Variants in NF1 observed in about 807,000 individuals in gnomAD.
NF1 encodes neurofibromin.
In NF1, 122 loss-of-function variants were observed where a neutral mutation model predicts 325.7. The observed-to-expected ratio is 0.37, with a 90% CI of 0.32 to 0.44. The LOEUF (loss-of-function observed/expected upper bound fraction) is 0.44, where lower values mean the gene tolerates loss of function less well. Ranked by LOEUF, NF1 falls within the 20% of genes least tolerant of loss-of-function variation. NF1 has a pLI of 1.00. For synonymous variants in NF1, 1,091 were observed against 1,186.0 expected, an observed-to-expected ratio of 0.92 and a Z score of 1.65; for missense variants, 2,140 against 3,415.4, an observed-to-expected ratio of 0.63 and a Z score of 9.31.
intron 1 of NF1, among the ~76,000 whole-genome samples, chr17:31,116,289 G>A (rs1913901387): frequency 6.6e-6 from 1 of 152,112 alleles, no homozygotes; most frequent in Non-Finnish European, 1.5e-5. Flanking sequence ...TAGGGAAAAT[G>A]CCTGAATATT....
At chr17:31,245,689 G>A (rs2151447737) in intron 29 of NF1, among the ~76,000 whole-genome samples, 1 of 152,316 alleles carries the variant, frequency 6.6e-6, no homozygotes. Context: ...GAAGGGGCTT[G>A]CAGCTTCCAT....
chr17:31,351,864 T>G (rs1010382120), intron 50 of NF1, among the ~76,000 whole-genome samples: 7 of 152,026 alleles, frequency 4.6e-5, no homozygotes, highest in African/African-American at 7.2e-5. Context: ...TTTGGGGTTT[T>G]TTTTTTTTTT....
At chr17:31,347,248 CAG>C (rs1236903625) in intron 48 of NF1, among the ~76,000 whole-genome samples, 4 of 150,526 alleles carry the variant, frequency 2.7e-5, no homozygotes, top group African/African-American at 9.8e-5. Flanking sequence ...TTGATGCTGA[CAG>C]TGTTTCACTC....
Position 31,352,464 on chromosome 17 carries a change from A to G in NF1, c.7615+50A>G, listed in dbSNP as rs1400882988. 9 of 1,436,414 alleles carry G rather than the reference A, an allele frequency of 6.3e-6. No homozygotes were observed. In the African/African-American group the frequency reaches 1.2e-4, roughly 18 times the overall value. The allele number at this position is 1,436,414 out of a possible 1,614,324, so 89.0% of individuals were successfully genotyped here. ...TTTTTTTTATTATTTAAAAAAATAG[A>G]TATTTTTACTCTTGGAAAATTATTT... On this transcript the variant is annotated intron_variant, in intron 51 of 57. Coordinates refer to ENST00000358273, the MANE Select transcript of NF1 (RefSeq NM_001042492.3).
Position 31,242,305 on chromosome 17 carries a change from C to CTTTTTTT in NF1, c.3974+6305_3974+6311dup, listed in dbSNP as rs200376987. Among the ~76,000 whole-genome samples, 74 of 68,860 alleles carry CTTTTTTT rather than the reference C, an allele frequency of 1.1e-3. 10 individuals are homozygous for CTTTTTTT. Among genetic ancestry groups the CTTTTTTT allele is most frequent in the African/African-American group, 2.2e-3 (36 of 16,006 alleles). The allele number at this position is 68,860 out of a possible 152,430, so 45.2% of individuals were successfully genotyped here. ...TCTTTCCCTAGGTTTCATAAGTTCT[C>CTTTTTTT]TTTTTTTTTTTTTTTTTTTTTTTTT... On this transcript the variant is annotated intron_variant, in intron 29 of 57. Transcript: ENST00000358273.
At chr17:31,330,151 T>C in intron 38 of NF1, 145 bp from the exon 39 acceptor site, 4 of 735,524 alleles carry the variant, frequency 5.4e-6, no homozygotes, top group Admixed American at 2.4e-5. Flanking sequence ...TGTAGAATTA[T>C]AACATCTTAT....
intron 36 of NF1, among the ~76,000 whole-genome samples, chr17:31,322,468 C>T (rs2069229077): frequency 7.5e-6 from 1 of 133,010 alleles, no homozygotes; most frequent in South Asian, 2.3e-4. Context: ...TGCCACTGCA[C>T]TCCAGCCAGG....
intron 3 of NF1, 36 bp from the exon 4 acceptor site, chr17:31,163,150 T>G (rs1254998334): frequency 6.2e-7 from 1 of 1,606,320 alleles, no homozygotes; most frequent in Non-Finnish European, 8.5e-7. Flanking sequence ...ACAGGTAAAA[T>G]TAAAGTTTAG....
intron 1 of NF1, among the ~76,000 whole-genome samples, chr17:31,121,710 A>G (rs1224569000): frequency 2.6e-5 from 4 of 152,066 alleles, no homozygotes; most frequent in Admixed American, 1.3e-4. Context: ...GGTTCTGTTT[A>G]TGTGATGGAT....
chr17:31,197,675 T>C lies in NF1; in HGVS notation c.889-2747T>C, dbSNP rs1823500739. Among the ~76,000 whole-genome samples the C allele has an allele frequency of 1.3e-5, 2 of 152,204 alleles. 1 individual carries two copies. Among genetic ancestry groups the C allele is most frequent in the South Asian group, 4.1e-4 (2 of 4,834 alleles). The stretch of plus-strand genomic sequence containing the variant: ...TTTGTATTCTGTGACTTTGAATTTA[T>C]TAGCTCTAACAGCTTGTTTTTGGTG... On this transcript the variant is annotated intron_variant, in intron 8 of 57. Coordinates refer to ENST00000358273, the MANE Select transcript of NF1 (RefSeq NM_001042492.3).
intron 57 of NF1, among the ~76,000 whole-genome samples, chr17:31,373,463 T>C (rs2070683241): frequency 6.6e-6 from 1 of 152,254 alleles, no homozygotes. Context: ...AACTTGTCTT[T>C]TCATTTTTCT....
intron 1 of NF1, among the ~76,000 whole-genome samples, chr17:31,127,593 CT>C (rs199556341): frequency 0.02 from 2,745 of 139,794 alleles, 49 homozygotes; most frequent in African/African-American, 0.053. Context: ...TGTCTTTATA[CT>C]TTTTTTTTTT....
rs149991818 is a variant in NF1 at position 31,318,685 on chromosome 17, A to G, written c.4836-7135A>G. 94 of 1,614,022 alleles carry G rather than the reference A, an allele frequency of 5.8e-5. No individual in the cohort carries two copies. Among genetic ancestry groups the G allele is most frequent in the African/African-American group, 8.0e-5 (6 of 74,930 alleles). On this transcript the variant is annotated intron_variant, in intron 36 of 57. Coordinates refer to ENST00000358273, the MANE Select transcript of NF1 (RefSeq NM_001042492.3). ...ACCATGACTTTTGCTTGTGTTTTCA[A>G]TGCTCTGTACTGTTGAAGGACTGTT...
At chr17:31,367,127 G>C in intron 57 of NF1, 1 of 588,524 alleles carries the variant, frequency 1.7e-6, no homozygotes, top group Non-Finnish European at 2.6e-6. Flanking sequence ...TGAAAACCAA[G>C]GAACATTATA....
intron 30 of NF1, chr17:31,250,058 A>T (rs1488566640): frequency 6.1e-6 from 3 of 489,304 alleles, no homozygotes; most frequent in East Asian, 9.3e-5. Flanking sequence ...AGGCTGCTCT[A>T]TGTGAATTTT....
In NF1 at chr17:31,374,209, A is replaced by G. The variant is rs2151601851; in HGVS notation, c.*54A>G. ...ACTTAACATGGGCTCTTCACTAGTGACCCCTTCCCTGTCCTTGCCCTTTCC... is the reference window on the plus strand; with the variant it reads ...ACTTAACATGGGCTCTTCACTAGTGGCCCCTTCCCTGTCCTTGCCCTTTCC... On this transcript the variant is annotated 3_prime_UTR_variant, in exon 58 of 58. Coordinates refer to ENST00000358273, the MANE Select transcript of NF1 (RefSeq NM_001042492.3). 1 of 1,609,218 alleles carries G rather than the reference A, an allele frequency of 6.2e-7. No individual in the cohort carries two copies. The highest frequency in any genetic ancestry group is 2.2e-5 in the East Asian group (1 of 44,842).
At chr17:31,335,295 T>TATATATATATATATAA (rs2069630412) in intron 40 of NF1, among the ~76,000 whole-genome samples, 5 of 128,884 alleles carry the variant, frequency 3.9e-5, no homozygotes, top group African/African-American at 1.6e-4. Context: ...TATATATATA[T>TATATATATATATATAA]AATTATGCCT....
intron 36 of NF1, among the ~76,000 whole-genome samples, chr17:31,298,372 A>G (rs1208593119): frequency 6.6e-6 from 1 of 152,112 alleles, no homozygotes; most frequent in African/African-American, 2.4e-5. Flanking sequence ...ACCAAGTGGC[A>G]CCATTTAAAA....
At chr17:31,200,684 C>G in intron 9 of NF1, 89 bp downstream of exon 9, 2 of 1,425,870 alleles carry the variant, frequency 1.4e-6, no homozygotes, top group Non-Finnish European at 2.0e-6. Flanking sequence ...TAATTGCTAA[C>G]ATTAAAGTTC....
Sources: allele counts gnomAD v4.1 joint callset (sites outside exome capture counted in the v4.1 genomes callset), GRCh38; gene constraint gnomAD v4.1.1; transcripts MANE v1.5; gene names NCBI Gene and HGNC (gene_info 2026-07-23, HGNC 2026-07-21).